The following GPR89B variants were observed in gnomAD, a reference collection of about 807,000 sequenced individuals.
The protein encoded by GPR89B is G protein-coupled receptor 89B.
Under a neutral mutation model 52.4 loss-of-function variants are expected in GPR89B, and 25 were observed. The observed-to-expected ratio is 0.48, with a 90% CI of 0.35 to 0.67. GPR89B has a LOEUF of 0.67. Among genes scored for constraint, GPR89B ranks in the 30% least tolerant of loss-of-function variants. GPR89B has a pLI of 0.01. For missense variants in GPR89B, 146 were observed against 450.2 expected, an observed-to-expected ratio of 0.32 and a Z score of 6.11; for synonymous variants, 52 against 151.2, an observed-to-expected ratio of 0.34 and a Z score of 4.81.
At chr1:147,995,162 A>G (rs1169448704), downstream of GPR89B, among the ~76,000 whole-genome samples, 6 of 151,742 alleles carry the variant, frequency 4.0e-5, no homozygotes, top group Admixed American at 2.0e-4. Flanking sequence ...GCACTTTAAT[A>G]TAGTTAATCT....
At position 147,949,626 on chromosome 1, in the gene GPR89B, AC is replaced by A. The variant is rs587718004; in HGVS notation, c.416-3712del. On this transcript the variant is annotated intron_variant, in intron 5 of 13. Transcript: ENST00000314163. ...GGGCAGCTGACGGGGCGGGGGGCTGACCCCCCCACCTCCCTCCCGGATGGGG... is the reference window on the plus strand; with the variant it reads ...GGGCAGCTGACGGGGCGGGGGGCTGACCCCCCACCTCCCTCCCGGATGGGG... Among the ~76,000 whole-genome samples the A allele has an allele frequency of 3.1e-3, 342 of 109,302 alleles. 2 individuals carry two copies. The highest frequency in any genetic ancestry group is 0.025 in the Middle Eastern group (4 of 160). The allele number at this position is 109,302 out of a possible 152,430, so 71.7% of individuals were successfully genotyped here.
chr1:147,946,783 TG>T (rs1655009385), intron 5 of GPR89B, among the ~76,000 whole-genome samples: 1 of 152,112 alleles, frequency 6.6e-6, no homozygotes, highest in Non-Finnish European at 1.5e-5. Context: ...CTAAATTCTA[TG>T]GGATTACCCT....
At chr1:148,002,410 C>G in the GPR89B span, among the ~76,000 whole-genome samples, 1 of 152,140 alleles carries the variant, frequency 6.6e-6, no homozygotes, top group East Asian at 1.9e-4. Flanking sequence ...TTTCCCTTCC[C>G]CAGTCCTTCT....
the GPR89B span, among the ~76,000 whole-genome samples, chr1:148,019,281 A>C: frequency 4.6e-5 from 7 of 151,514 alleles, no homozygotes; most frequent in East Asian, 1.2e-3. Context: ...GGTCAAAAGC[A>C]GTGCACATTA....
At chr1:147,991,291 T>C (rs1659048171) in intron 12 of GPR89B, among the ~76,000 whole-genome samples, 1 of 152,088 alleles carries the variant, frequency 6.6e-6, no homozygotes, top group South Asian at 2.1e-4. Context: ...TTTTTGCACA[T>C]TGATTTTGTA....
chr1:148,023,469 A>T, the GPR89B span, among the ~76,000 whole-genome samples: 1 of 141,378 alleles, frequency 7.1e-6, no homozygotes, highest in African/African-American at 2.8e-5. Flanking sequence ...CAGTAATGAG[A>T]TTACTGGTTG....
At chr1:147,931,439 C>T (rs587675969) in intron 1 of GPR89B, among the ~76,000 whole-genome samples, 8 of 152,228 alleles carry the variant, frequency 5.3e-5, no homozygotes, top group South Asian at 2.1e-4. Flanking sequence ...AGAAGCTATA[C>T]GCCTTCCATT....
At chr1:147,942,272 A>G (rs1329178207) in intron 3 of GPR89B, among the ~76,000 whole-genome samples, 1 of 150,180 alleles carries the variant, frequency 6.7e-6, no homozygotes, top group Non-Finnish European at 1.5e-5. Context: ...ACCACTTCAC[A>G]CCAACTAAAA....
the GPR89B span, among the ~76,000 whole-genome samples, chr1:148,012,662 A>C: frequency 2.2e-4 from 34 of 151,926 alleles, no homozygotes; most frequent in East Asian, 1.9e-3. Flanking sequence ...ACAAAGACAA[A>C]AGAGGAGAGG....
At chr1:148,015,782 TCTATAGGATAGAGGTGCAATTA>T in the GPR89B span, among the ~76,000 whole-genome samples, 1 of 149,268 alleles carries the variant, frequency 6.7e-6, no homozygotes, top group Non-Finnish European at 1.5e-5. Flanking sequence ...CTGGTGTATT[TCTATAGGATAGAGGTGCAATTA>T]CTATAGGAAG....
At chr1:148,001,698 G>C in the GPR89B span, among the ~76,000 whole-genome samples, 1 of 150,738 alleles carries the variant, frequency 6.6e-6, no homozygotes, top group African/African-American at 2.5e-5. Context: ...CTCGTTTCCT[G>C]CTCAGAACTC....
At chr1:147,980,936 C>G (rs1658201303) in intron 10 of GPR89B, among the ~76,000 whole-genome samples, 2 of 148,134 alleles carry the variant, frequency 1.4e-5, no homozygotes, top group Non-Finnish European at 3.0e-5. Flanking sequence ...TTTTCTGTCT[C>G]TGTAGATTTC....
chr1:147,947,699 G>A (rs1655099075), intron 5 of GPR89B, among the ~76,000 whole-genome samples: 1 of 152,074 alleles, frequency 6.6e-6, no homozygotes, highest in African/African-American at 2.4e-5. Flanking sequence ...AAGGTAGAGG[G>A]GGAATTTTTT....
chr1:147,943,993 TC>T lies in GPR89B; in HGVS notation c.314-3del, dbSNP rs1278264720. The T allele has an allele frequency of 6.8e-7, 1 of 1,477,480 alleles. No homozygotes were observed. The highest frequency in any genetic ancestry group is 9.3e-7 in the Non-Finnish European group (1 of 1,080,558). The allele number at this position is 1,477,480 out of a possible 1,614,324, so 91.5% of individuals were successfully genotyped here. ...TCCTAACAGTTTTGTCTCCTCTGTC[TC>T]AGTGCATAAACAACGACTGCTTTTT... On this transcript the variant is annotated splice_polypyrimidine_tract_variant and splice_region_variant and intron_variant, in intron 4 of 13. Transcript: ENST00000314163.
chr1:147,971,014 C>A (rs1421693920), intron 10 of GPR89B, among the ~76,000 whole-genome samples: 1 of 151,096 alleles, frequency 6.6e-6, no homozygotes, highest in Admixed American at 6.6e-5. Context: ...TCTAGTGTTA[C>A]AATAAATTGA....
intron 3 of GPR89B, among the ~76,000 whole-genome samples, chr1:147,940,655 G>C (rs1384331350): frequency 2.6e-5 from 4 of 152,202 alleles, no homozygotes; most frequent in Non-Finnish European, 5.9e-5. Context: ...TGCTGTTGTA[G>C]AGCGAAAGCA....
chr1:147,978,742 G>A (rs1204428001), intron 10 of GPR89B, among the ~76,000 whole-genome samples: 1 of 151,994 alleles, frequency 6.6e-6, no homozygotes, highest in African/African-American at 2.4e-5. Flanking sequence ...ACCTAAAGAA[G>A]CGGTCTGGCC....
chr1:148,002,353 T>A, the GPR89B span, among the ~76,000 whole-genome samples: 2 of 152,074 alleles, frequency 1.3e-5, no homozygotes, highest in Middle Eastern at 3.2e-3. Context: ...TTGTATTAGT[T>A]CCTGCCTAGA....
chr1:148,019,477 G>A, the GPR89B span, among the ~76,000 whole-genome samples: 2 of 151,808 alleles, frequency 1.3e-5, no homozygotes, highest in Admixed American at 6.6e-5. Flanking sequence ...ATGGATGCTG[G>A]GCTTAGTACC....
Sources: allele counts gnomAD v4.1 joint callset (sites outside exome capture counted in the v4.1 genomes callset), GRCh38; gene constraint gnomAD v4.1.1; transcripts MANE v1.5; gene names NCBI Gene and HGNC (gene_info 2026-07-23, HGNC 2026-07-21).